The following ELAPOR2 variants were observed in gnomAD, a reference collection of about 807,000 sequenced individuals.
The protein encoded by ELAPOR2 is endosome-lysosome associated apoptosis and autophagy regulator family member 2.
Under a neutral mutation model 120.7 loss-of-function variants are expected in ELAPOR2, and 89 were observed. That is an observed-to-expected ratio of 0.74 (90% CI 0.62 to 0.88). The LOEUF is 0.88. Among genes scored for constraint, ELAPOR2 ranks in the 40% least tolerant of loss-of-function variants. The pLI is 0.00. For missense variants in ELAPOR2, 1,134 were observed against 1,251.6 expected (o/e 0.91, Z 1.42); for synonymous variants, 444 against 444.9 (o/e 1.00, Z 0.03).
intron 2 of ELAPOR2, among the ~76,000 whole-genome samples, chr7:86,964,213 G>A (rs927256654): frequency 4.6e-5 from 7 of 151,532 alleles, no homozygotes; most frequent in Non-Finnish European, 4.4e-5. Flanking sequence ...CTACCCTCTC[G>A]ACTATTTTGC....
chr7:86,905,070 AGAAG>A (rs201126011), intron 18 of ELAPOR2, among the ~76,000 whole-genome samples: 7,978 of 98,074 alleles, frequency 0.081, 353 homozygotes, highest in Middle Eastern at 0.13. Flanking sequence ...ACAGAGAGAG[AGAAG>A]GAAGGAAGGA....
chr7:86,893,352 G>A (rs1292681238), intron 19 of ELAPOR2, among the ~76,000 whole-genome samples: 3 of 151,800 alleles, frequency 2.0e-5, no homozygotes, highest in Admixed American at 6.6e-5. Context: ...ATAAAGACAT[G>A]GATTGATGGA....
intron 1 of ELAPOR2, among the ~76,000 whole-genome samples, chr7:87,019,205 C>A (rs111575153): frequency 2.6e-5 from 4 of 152,192 alleles, no homozygotes; most frequent in African/African-American, 9.6e-5. Context: ...GCCCTGTCAC[C>A]CAGGCTGGAG....
intron 1 of ELAPOR2, among the ~76,000 whole-genome samples, chr7:87,009,749 T>C (rs1329132139): frequency 1.3e-5 from 2 of 152,304 alleles, no homozygotes; most frequent in East Asian, 1.9e-4. Context: ...TAACCACTGG[T>C]TGTCAAGCAG....
intron 1 of ELAPOR2, among the ~76,000 whole-genome samples, chr7:87,052,334 C>G (rs1163183285): frequency 6.6e-6 from 1 of 152,150 alleles, no homozygotes; most frequent in East Asian, 1.9e-4. Context: ...GGGAAACTCC[C>G]CCTTATGAAA....
At chr7:87,004,872 A>T (rs1330652426) in intron 1 of ELAPOR2, among the ~76,000 whole-genome samples, 2 of 152,098 alleles carry the variant, frequency 1.3e-5, no homozygotes, top group Non-Finnish European at 2.9e-5. Context: ...CCCCAAAGAA[A>T]ATTGCTAACC....
chr7:87,033,107 C>A (rs1794472692), intron 1 of ELAPOR2, among the ~76,000 whole-genome samples: 1 of 152,158 alleles, frequency 6.6e-6, no homozygotes, highest in Admixed American at 6.5e-5. Flanking sequence ...CATAATAGAT[C>A]AGTTCTGTGT....
chr7:86,972,598 T>G (rs1002794696), intron 1 of ELAPOR2, among the ~76,000 whole-genome samples: 1 of 151,350 alleles, frequency 6.6e-6, no homozygotes, highest in African/African-American at 2.4e-5. Context: ...AAAAAAAAGT[T>G]TTTTGTTTTT....
At chr7:87,058,386 C>G (rs1795328465) in intron 1 of ELAPOR2, among the ~76,000 whole-genome samples, 1 of 152,214 alleles carries the variant, frequency 6.6e-6, no homozygotes, top group Non-Finnish European at 1.5e-5. Context: ...AGTATCTATT[C>G]CATATATCCT....
intron 1 of ELAPOR2, among the ~76,000 whole-genome samples, chr7:86,969,431 C>T (rs1174969928): frequency 1.3e-5 from 2 of 152,076 alleles, no homozygotes; most frequent in South Asian, 4.1e-4. Flanking sequence ...TATATACTGA[C>T]ATTAACATAT....
At chr7:87,031,977 T>C (rs746188606) in intron 1 of ELAPOR2, among the ~76,000 whole-genome samples, 43 of 152,038 alleles carry the variant, frequency 2.8e-4, no homozygotes, top group Admixed American at 4.6e-4. Flanking sequence ...TAAAATTCTA[T>C]AAAATGCAAC....
chr7:86,895,004 G>A (rs959201879), intron 19 of ELAPOR2, among the ~76,000 whole-genome samples: 6 of 151,860 alleles, frequency 4.0e-5, no homozygotes, highest in South Asian at 2.1e-4. Flanking sequence ...TTTAACATAC[G>A]CGCCTGTATT....
At chr7:86,917,698 TC>T (rs1394797282) in intron 12 of ELAPOR2, among the ~76,000 whole-genome samples, 1 of 152,162 alleles carries the variant, frequency 6.6e-6, no homozygotes, top group Non-Finnish European at 1.5e-5. Context: ...AAGTCTGCCT[TC>T]ATTTAAGCTA....
chr7:87,021,172 C>T (rs1042056999), intron 1 of ELAPOR2, among the ~76,000 whole-genome samples: 43 of 152,084 alleles, frequency 2.8e-4, no homozygotes, highest in African/African-American at 1.0e-3. Flanking sequence ...GTTCAACCCT[C>T]TCAACTGCTT....
chr7:87,059,304 A>G lies in ELAPOR2; in HGVS notation c.189+21T>C, dbSNP rs572119876. 2.2e-5 allele frequency: 28 copies of G among 1,247,796 alleles called. No homozygotes were observed. The African/African-American group carries it at 3.9e-4, about 17-fold the overall frequency. 77.3% of individuals were successfully genotyped at this position (1,247,796 alleles called of 1,614,324 possible). On this transcript the variant is annotated intron_variant, in intron 1 of 21. Coordinates refer to ENST00000450689, the MANE Select transcript of ELAPOR2 (RefSeq NM_001142749.3). ...CGCCCTCCCCCAGCAAACTCCAGGT[A>G]GAGGACCAGGTGCTGCTCACCTCCT... is the stretch of plus-strand genomic sequence containing the variant.
chr7:86,948,925 C>T (rs1029929212), intron 2 of ELAPOR2, among the ~76,000 whole-genome samples: 3 of 152,082 alleles, frequency 2.0e-5, no homozygotes, highest in African/African-American at 4.8e-5. Flanking sequence ...ACAAATCTCC[C>T]AGCAGAGTGT....
intron 1 of ELAPOR2, among the ~76,000 whole-genome samples, chr7:87,003,184 T>G (rs1793371537): frequency 6.6e-6 from 1 of 152,086 alleles, no homozygotes; most frequent in Non-Finnish European, 1.5e-5. Flanking sequence ...AACCCTGCCC[T>G]ACATTTTTAC....
At chr7:87,036,603 T>C (rs1794596445) in intron 1 of ELAPOR2, among the ~76,000 whole-genome samples, 1 of 152,132 alleles carries the variant, frequency 6.6e-6, no homozygotes, top group South Asian at 2.1e-4. Flanking sequence ...TATAGAGCCA[T>C]AAAAAACAAC....
At chr7:87,010,649 G>A (rs1005488396) in intron 1 of ELAPOR2, among the ~76,000 whole-genome samples, 5 of 152,084 alleles carry the variant, frequency 3.3e-5, no homozygotes, top group Non-Finnish European at 7.4e-5. Flanking sequence ...AGCACAATCT[G>A]CACAATTCAC....
Sources: allele counts gnomAD v4.1 joint callset (sites outside exome capture counted in the v4.1 genomes callset), GRCh38; gene constraint gnomAD v4.1.1; transcripts MANE v1.5; gene names NCBI Gene and HGNC (gene_info 2026-07-23, HGNC 2026-07-21).